The following CTDSPL2 variants were observed in gnomAD, a reference collection of about 807,000 sequenced individuals.
CTDSPL2 encodes CTD small phosphatase like 2.
A neutral mutation model predicts 60.0 loss-of-function variants in CTDSPL2; 5 were observed. The ratio of observed to expected loss-of-function variants is 0.08; its 90% CI spans 0.04 to 0.18. CTDSPL2 has a LOEUF of 0.18. Among genes scored for constraint, CTDSPL2 ranks in the 10% least tolerant of loss-of-function variants. The pLI is 1.00. For missense variants in CTDSPL2, 370 were observed against 548.8 expected, an observed-to-expected ratio of 0.67 and a Z score of 3.26; for synonymous variants, 186 against 189.3, an observed-to-expected ratio of 0.98 and a Z score of 0.14.
intron 1 of CTDSPL2, among the ~76,000 whole-genome samples, chr15:44,455,875 G>T: frequency 8.0e-6 from 1 of 125,412 alleles, no homozygotes; most frequent in African/African-American, 3.0e-5. Flanking sequence ...TTTTTGAGAC[G>T]GAGTCTCGCT....
intron 2 of CTDSPL2, 99 bp from the exon 3 acceptor site, chr15:44,484,125 G>T: frequency 9.2e-7 from 1 of 1,083,590 alleles, no homozygotes; most frequent in East Asian, 2.6e-5. Context: ...ATGAAAAGCA[G>T]AGGAAAGTAT....
chr15:44,471,445 C>T (rs1324336974), intron 2 of CTDSPL2, among the ~76,000 whole-genome samples: 2 of 152,088 alleles, frequency 1.3e-5, no homozygotes, highest in African/African-American at 4.8e-5. Context: ...ATATAAAAAG[C>T]TGTACTTAAT....
At chr15:44,456,924 T>C (rs1355940662) in intron 1 of CTDSPL2, among the ~76,000 whole-genome samples, 2 of 150,852 alleles carry the variant, frequency 1.3e-5, no homozygotes, top group African/African-American at 2.4e-5. Context: ...TCGCCCAGGC[T>C]GGAGTGCAGT....
chr15:44,506,692 G>A (rs1048103440), intron 8 of CTDSPL2, among the ~76,000 whole-genome samples: 1 of 151,916 alleles, frequency 6.6e-6, no homozygotes, highest in Non-Finnish European at 1.5e-5. Flanking sequence ...TGAGATTACA[G>A]ATGTGAGCCA....
At chr15:44,490,744 C>G in intron 4 of CTDSPL2, 40 bp from the exon 5 acceptor site, 1 of 1,488,420 alleles carries the variant, frequency 6.7e-7, no homozygotes. Flanking sequence ...TAAATAGGTG[C>G]ATTTTTAAAT....
chr15:44,438,514 T>C (rs555770093), intron 1 of CTDSPL2, among the ~76,000 whole-genome samples: 7 of 145,352 alleles, frequency 4.8e-5, no homozygotes, highest in African/African-American at 1.7e-4. Flanking sequence ...GGGAGAGGAA[T>C]AATAACTGTG....
At chr15:44,451,758 C>G (rs900798962) in intron 1 of CTDSPL2, among the ~76,000 whole-genome samples, 7 of 152,186 alleles carry the variant, frequency 4.6e-5, no homozygotes, top group Admixed American at 4.6e-4. Flanking sequence ...AGAAAAAAAT[C>G]TATGAAATTT....
chr15:44,503,590 A>T (rs1056444496), intron 8 of CTDSPL2: 9 of 152,184 alleles, frequency 5.9e-5, no homozygotes, highest in African/African-American at 1.9e-4. Context: ...TCCATCAAGA[A>T]CTGGAGCTCA....
chr15:44,473,831 A>T (rs1044209066), intron 2 of CTDSPL2, among the ~76,000 whole-genome samples: 3 of 152,206 alleles, frequency 2.0e-5, no homozygotes, highest in Non-Finnish European at 4.4e-5. Context: ...TCACATTCTT[A>T]CCAGTATTTG....
chr15:44,521,612 A>G (rs113901649), intron 12 of CTDSPL2, among the ~76,000 whole-genome samples: 3 of 152,270 alleles, frequency 2.0e-5, no homozygotes, highest in African/African-American at 7.2e-5. Flanking sequence ...TTGAGGTCAT[A>G]CTAGGCAACA....
chr15:44,465,412 G>A (rs1371257890), intron 2 of CTDSPL2, among the ~76,000 whole-genome samples: 1 of 152,038 alleles, frequency 6.6e-6, no homozygotes, highest in African/African-American at 2.4e-5. Flanking sequence ...ATTTCCATAT[G>A]AATGCAGTTT....
chr15:44,513,757 T>C (rs2081605771), intron 8 of CTDSPL2, among the ~76,000 whole-genome samples: 1 of 152,262 alleles, frequency 6.6e-6, no homozygotes, highest in African/African-American at 2.4e-5. Context: ...TATTTTTCTT[T>C]CTGTAAAATT....
At chr15:44,520,472 T>C (rs2081746526) in intron 11 of CTDSPL2, 1 of 152,090 alleles carries the variant, frequency 6.6e-6, no homozygotes, top group Admixed American at 6.6e-5. Context: ...ATTTCTTAGA[T>C]TTGCTTCACA....
intron 1 of CTDSPL2, 77 bp from the exon 2 acceptor site, chr15:44,458,914 C>A: frequency 1.1e-6 from 1 of 935,360 alleles, no homozygotes; most frequent in Non-Finnish European, 1.5e-6. Context: ...ATTATATAAG[C>A]TGGGCACATT....
chr15:44,469,456 A>G (rs2140733721), intron 2 of CTDSPL2, among the ~76,000 whole-genome samples: 1 of 152,252 alleles, frequency 6.6e-6, no homozygotes. Flanking sequence ...AGGTATTTAA[A>G]GGTATGAATT....
intron 8 of CTDSPL2, among the ~76,000 whole-genome samples, chr15:44,510,325 A>T (rs2081544669): frequency 6.6e-6 from 1 of 152,130 alleles, no homozygotes; most frequent in Non-Finnish European, 1.5e-5. Context: ...AGATATTCTG[A>T]TAGATTTTCA....
intron 2 of CTDSPL2, among the ~76,000 whole-genome samples, chr15:44,466,599 G>A (rs1361257789): frequency 6.6e-6 from 1 of 152,074 alleles, no homozygotes; most frequent in African/African-American, 2.4e-5. Flanking sequence ...TACTTATCTA[G>A]GCTATGTGGT....
chr15:44,492,042 A>G (rs1232243040), intron 5 of CTDSPL2, among the ~76,000 whole-genome samples: 1 of 150,206 alleles, frequency 6.7e-6, no homozygotes, highest in Non-Finnish European at 1.5e-5. Context: ...TTTTTTTTTT[A>G]ACTTTTAGTA....
intron 12 of CTDSPL2, among the ~76,000 whole-genome samples, chr15:44,521,801 G>C (rs964250465): frequency 1.3e-5 from 2 of 151,162 alleles, no homozygotes; most frequent in African/African-American, 4.9e-5. Flanking sequence ...AGCCGGGCGT[G>C]GTAGCGGGCG....
Sources: gnomAD v4.1 joint callset for allele counts (sites outside exome capture counted in the v4.1 genomes callset) on GRCh38, gnomAD v4.1.1 for gene constraint, MANE v1.5 for transcripts, NCBI Gene and HGNC (gene_info 2026-07-23, HGNC 2026-07-21) for gene names.